The following PLGRKT variants were observed in gnomAD, a reference collection of about 807,000 sequenced individuals.
PLGRKT encodes plasminogen receptor (KT).
A neutral mutation model predicts 18.5 loss-of-function variants in PLGRKT; 22 were observed. That is an observed-to-expected ratio of 1.19 (90% CI 0.85 to 1.70). The LOEUF (loss-of-function observed/expected upper bound fraction) is 1.70, where lower values mean the gene tolerates loss of function less well. Among genes scored for constraint, PLGRKT ranks in the 40% most tolerant of loss-of-function variants. The pLI, the probability that PLGRKT is intolerant of heterozygous loss-of-function variation, is 0.00. For missense variants in PLGRKT, 235 were observed against 174.4 expected, an observed-to-expected ratio of 1.35 and a Z score of -1.96; for synonymous variants, 72 against 52.8, an observed-to-expected ratio of 1.36 and a Z score of -1.58.
intron 3 of PLGRKT, among the ~76,000 whole-genome samples, chr9:5,375,424 A>G (rs1563770347): frequency 6.6e-6 from 1 of 152,190 alleles, no homozygotes; most frequent in Non-Finnish European, 1.5e-5. Flanking sequence ...TTGGGGGAAG[A>G]CAATTAGTGT....
At chr9:5,386,547 T>C (rs1337406025) in intron 3 of PLGRKT, among the ~76,000 whole-genome samples, 1 of 151,780 alleles carries the variant, frequency 6.6e-6, no homozygotes, top group Non-Finnish European at 1.5e-5. Context: ...AGTGTTGTGG[T>C]TGAGAAATTC....
At chr9:5,429,651 A>T (rs1166499861) in intron 3 of PLGRKT, among the ~76,000 whole-genome samples, 1 of 152,184 alleles carries the variant, frequency 6.6e-6, no homozygotes, top group African/African-American at 2.4e-5. Context: ...GCCATCAGTC[A>T]CACTGAATTG....
intron 5 of PLGRKT, 89 bp from the exon 6 acceptor site, chr9:5,358,449 C>G: frequency 8.8e-7 from 1 of 1,135,424 alleles, no homozygotes; most frequent in Non-Finnish European, 1.3e-6. Flanking sequence ...TTGACAGGCT[C>G]TAACACCGTA....
chr9:5,433,305 C>T (rs372359363), intron 2 of PLGRKT, among the ~76,000 whole-genome samples: 14 of 151,332 alleles, frequency 9.3e-5, no homozygotes, highest in Admixed American at 3.3e-4. Flanking sequence ...CCTGACCGCC[C>T]GTTGTCTGGG....
chr9:5,398,302 G>A (rs1563779221), intron 3 of PLGRKT, among the ~76,000 whole-genome samples: 1 of 151,846 alleles, frequency 6.6e-6, no homozygotes, highest in Non-Finnish European at 1.5e-5. Context: ...ACTGCAGCAT[G>A]CCAGGGACCC....
intron 3 of PLGRKT, among the ~76,000 whole-genome samples, chr9:5,423,775 C>T (rs1215803072): frequency 4.0e-5 from 6 of 150,706 alleles, no homozygotes. Context: ...AATCACAGCT[C>T]ACTGCAACCC....
intron 3 of PLGRKT, among the ~76,000 whole-genome samples, chr9:5,366,796 C>A (rs1430093061): frequency 1.3e-5 from 2 of 152,010 alleles, no homozygotes; most frequent in South Asian, 4.1e-4. Flanking sequence ...AATGGAAAAA[C>A]AAGTCAAATA....
intron 3 of PLGRKT, among the ~76,000 whole-genome samples, chr9:5,415,195 A>T (rs1311398172): frequency 6.6e-6 from 1 of 152,224 alleles, no homozygotes; most frequent in Non-Finnish European, 1.5e-5. Context: ...GGTTCTATTA[A>T]AAAGATATAG....
At chr9:5,364,940 G>T (rs567139742) in intron 3 of PLGRKT, among the ~76,000 whole-genome samples, 12 of 152,230 alleles carry the variant, frequency 7.9e-5, no homozygotes, top group Middle Eastern at 3.4e-3. Context: ...ACATAGACAA[G>T]GATGAAATTA....
At chr9:5,427,570 A>G (rs977175407) in intron 3 of PLGRKT, among the ~76,000 whole-genome samples, 7 of 152,224 alleles carry the variant, frequency 4.6e-5, no homozygotes, top group African/African-American at 1.7e-4. Context: ...GCTAATTTAT[A>G]AATTAAACTT....
chr9:5,368,183 A>G (rs1782781081), intron 3 of PLGRKT, among the ~76,000 whole-genome samples: 2 of 152,204 alleles, frequency 1.3e-5, no homozygotes, highest in Non-Finnish European at 1.5e-5. Flanking sequence ...AGATTTCTCA[A>G]AGAACTTAAA....
intron 3 of PLGRKT, among the ~76,000 whole-genome samples, chr9:5,427,834 G>A (rs1818732782): frequency 6.6e-6 from 1 of 152,246 alleles, no homozygotes; most frequent in African/African-American, 2.4e-5. Flanking sequence ...TGGGTTACAG[G>A]ACGTGAGAAG....
At chr9:5,387,211 C>G (rs1429410270) in intron 3 of PLGRKT, among the ~76,000 whole-genome samples, 11 of 151,850 alleles carry the variant, frequency 7.2e-5, no homozygotes, top group African/African-American at 2.7e-4. Context: ...TAGGCCTTTG[C>G]CAGAACTCTA....
rs1817177960 is a variant in PLGRKT at position 5,358,097 on chromosome 9, T to C, written c.*142A>G. ...GTGTTGAATGTTATAAATTTTATTT[T>C]AAAATAGCTCAAAACTATCTTGCAT... On this transcript the variant is annotated 3_prime_UTR_variant, in exon 6 of 6. Transcript: ENST00000223864. The C allele has an allele frequency of 6.9e-6, 4 of 582,364 alleles. No homozygotes were observed. The highest frequency in any genetic ancestry group is 1.1e-5 in the Non-Finnish European group (4 of 355,630). The allele number at this position is 582,364 out of a possible 1,614,324, so 36.1% of individuals were successfully genotyped here. A position where few individuals can be genotyped will look rare whatever the true frequency, so the allele number is the denominator to read the frequency against.
At chr9:5,394,959 T>A (rs1248450258) in intron 3 of PLGRKT, among the ~76,000 whole-genome samples, 1 of 151,854 alleles carries the variant, frequency 6.6e-6, no homozygotes, top group Non-Finnish European at 1.5e-5. Flanking sequence ...GGGCCCCCAT[T>A]CTGCAAGGCT....
At chr9:5,389,630 G>C (rs1231918734) in intron 3 of PLGRKT, among the ~76,000 whole-genome samples, 1 of 151,838 alleles carries the variant, frequency 6.6e-6, no homozygotes, top group Non-Finnish European at 1.5e-5. Context: ...CTTAGTCCTA[G>C]ACATGCTCAT....
Position 5,424,701 on chromosome 9 carries a change from G to C in PLGRKT, c.81+7196C>G, listed in dbSNP as rs540444308. On this transcript the variant is annotated intron_variant, in intron 3 of 5. Transcript: ENST00000223864. The stretch of plus-strand genomic sequence containing the variant: ...ATATATATATATATATACACACAGG[G>C]GGGGGAGAGAGGGAGAGACAGAGAG... Among the ~76,000 whole-genome samples the C allele has an allele frequency of 4.9e-4, 60 of 122,404 alleles. 2 individuals carry two copies. The highest frequency in any genetic ancestry group is 2.6e-3 in the South Asian group (11 of 4,264). The allele number at this position is 122,404 out of a possible 152,430, so 80.3% of individuals were successfully genotyped here.
chr9:5,436,757 T>C (rs1332799630), intron 1 of PLGRKT, 63 bp from the exon 2 acceptor site: 3 of 152,244 alleles, frequency 2.0e-5, no homozygotes, highest in African/African-American at 7.2e-5. Flanking sequence ...ATTTTCAACA[T>C]TCTTTCCTTT....
chr9:5,419,467 G>A (rs1329435045), intron 3 of PLGRKT, among the ~76,000 whole-genome samples: 1 of 152,218 alleles, frequency 6.6e-6, no homozygotes, highest in Non-Finnish European at 1.5e-5. Flanking sequence ...ACAGCTTCGC[G>A]GGGTGGTCCT....
Sources: allele counts gnomAD v4.1 joint callset (sites outside exome capture counted in the v4.1 genomes callset), GRCh38; gene constraint gnomAD v4.1.1; transcripts MANE v1.5; gene names NCBI Gene and HGNC (gene_info 2026-07-23, HGNC 2026-07-21).